ANO3: variants seen among roughly 807,000 people sequenced by gnomAD.
ANO3 encodes anoctamin 3.
ANO3 carries 99 observed loss-of-function variants against 144.8 expected under a neutral mutation model. The observed-to-expected ratio is 0.68, with a 90% CI of 0.58 to 0.81. The LOEUF (loss-of-function observed/expected upper bound fraction) is 0.81, where lower values mean the gene tolerates loss of function less well. Ranked by LOEUF, ANO3 falls within the 30% of genes least tolerant of loss-of-function variation. ANO3 has a pLI of 0.00. For synonymous variants in ANO3, 414 were observed against 392.6 expected (o/e 1.05, Z -0.64); for missense variants, 905 against 1,202.2 (o/e 0.75, Z 3.66).
intron 1 of ANO3, among the ~76,000 whole-genome samples, chr11:26,360,668 C>T (rs547191277): frequency 1.4e-4 from 22 of 152,220 alleles, no homozygotes; most frequent in African/African-American, 3.4e-4. Context: ...TATGCTGAAC[C>T]GCTTAGTAAA....
chr11:26,393,259 T>C (rs900261564), intron 1 of ANO3, among the ~76,000 whole-genome samples: 7 of 152,104 alleles, frequency 4.6e-5, no homozygotes, highest in Non-Finnish European at 1.5e-5. Context: ...ACAGTCCTCA[T>C]CTTGACCTGC....
intron 4 of ANO3, among the ~76,000 whole-genome samples, chr11:26,467,536 G>T (rs746892628): frequency 1.2e-4 from 18 of 152,022 alleles, no homozygotes; most frequent in Non-Finnish European, 2.4e-4. Context: ...TGAAAAGTCT[G>T]TCTTTCTGTG....
intron 14 of ANO3, among the ~76,000 whole-genome samples, chr11:26,573,397 A>G (rs1370412649): frequency 1.3e-5 from 2 of 152,206 alleles, no homozygotes; most frequent in Admixed American, 6.5e-5. Flanking sequence ...AATTTAATCA[A>G]ACAGTTAGTT....
At chr11:26,258,160 C>T (rs554639740) in intron 1 of ANO3, among the ~76,000 whole-genome samples, 1 of 152,086 alleles carries the variant, frequency 6.6e-6, no homozygotes, top group East Asian at 1.9e-4. Flanking sequence ...CTCATTCTTA[C>T]AAGAGTAAGT....
chr11:26,385,318 G>A (rs762138595), intron 1 of ANO3, among the ~76,000 whole-genome samples: 35 of 152,040 alleles, frequency 2.3e-4, no homozygotes, highest in Non-Finnish European at 4.1e-4. Flanking sequence ...TGATATATTC[G>A]CTTTATATTG....
chr11:26,616,502 G>A (rs1482721208), intron 17 of ANO3, among the ~76,000 whole-genome samples: 5 of 145,446 alleles, frequency 3.4e-5, no homozygotes. Context: ...ATCTTGAAAA[G>A]ATTAATGAAC....
intron 1 of ANO3, among the ~76,000 whole-genome samples, chr11:26,285,079 G>A (rs538566531): frequency 6.6e-6 from 1 of 151,660 alleles, no homozygotes; most frequent in East Asian, 1.9e-4. Context: ...CCACTATGTG[G>A]TTTATTTACT....
intron 1 of ANO3, among the ~76,000 whole-genome samples, chr11:26,190,155 A>G (rs1160104413): frequency 6.6e-6 from 1 of 152,182 alleles, no homozygotes; most frequent in Non-Finnish European, 1.5e-5. Flanking sequence ...AAGCAAAGCT[A>G]TTATAACTCT....
intron 1 of ANO3, among the ~76,000 whole-genome samples, chr11:26,339,838 C>A (rs567894080): frequency 1.1e-4 from 17 of 152,174 alleles, no homozygotes; most frequent in Non-Finnish European, 2.1e-4. Context: ...CCTGGCTGTC[C>A]GTTTGGTTAT....
intron 4 of ANO3, among the ~76,000 whole-genome samples, chr11:26,482,933 T>C (rs1375910932): frequency 6.6e-6 from 1 of 152,192 alleles, no homozygotes; most frequent in East Asian, 1.9e-4. Flanking sequence ...ATTTCACTCC[T>C]TTTTATGGCT....
intron 1 of ANO3, among the ~76,000 whole-genome samples, chr11:26,276,479 G>A (rs973720201): frequency 6.6e-6 from 1 of 152,070 alleles, no homozygotes; most frequent in African/African-American, 2.4e-5. Flanking sequence ...GTGAAATGAG[G>A]CTAACTGCAT....
At chr11:26,544,297 C>CACAT (rs1289018080) in intron 11 of ANO3, among the ~76,000 whole-genome samples, 23 of 89,278 alleles carry the variant, frequency 2.6e-4, no homozygotes, top group Non-Finnish European at 4.5e-4. Flanking sequence ...CACACACACA[C>CACAT]ATATGTATAT....
At chr11:26,439,819 A>G (rs1349287680) in intron 1 of ANO3, among the ~76,000 whole-genome samples, 2 of 152,218 alleles carry the variant, frequency 1.3e-5, no homozygotes, top group East Asian at 1.9e-4. Flanking sequence ...GATAACATTC[A>G]TTTCATTTAG....
chr11:26,406,422 A>C (rs1857278906), intron 1 of ANO3, among the ~76,000 whole-genome samples: 1 of 151,848 alleles, frequency 6.6e-6, no homozygotes, highest in African/African-American at 2.4e-5. Context: ...AACCATAGCA[A>C]CCACTGAATA....
chr11:26,241,733 T>A (rs1401741042), intron 1 of ANO3, among the ~76,000 whole-genome samples: 5 of 152,094 alleles, frequency 3.3e-5, no homozygotes, highest in African/African-American at 9.7e-5. Context: ...TGTAATTATA[T>A]CATGTAGTGC....
intron 1 of ANO3, among the ~76,000 whole-genome samples, chr11:26,252,768 A>C (rs77777695): frequency 0.018 from 2,794 of 152,288 alleles, 70 homozygotes; most frequent in East Asian, 0.13. Flanking sequence ...CTCAGTGAAC[A>C]ACATTTCATG....
At chr11:26,529,347 T>A (rs1262307694) in intron 7 of ANO3, among the ~76,000 whole-genome samples, 4 of 118 alleles carry the variant, frequency 0.034, 2 homozygotes, top group African/African-American at 0.036. Flanking sequence ...TAATAATATA[T>A]TATATAATAA....
intron 3 of ANO3, among the ~76,000 whole-genome samples, chr11:26,459,195 G>A (rs1207620078): frequency 6.6e-6 from 1 of 152,100 alleles, no homozygotes; most frequent in Non-Finnish European, 1.5e-5. Context: ...ATAGTAAGGA[G>A]CTAGATGATG....
At position 26,531,343 on chromosome 11, in the gene ANO3, T is replaced by G; in HGVS notation, c.869+7T>G. On this transcript the variant is annotated splice_region_variant and intron_variant, in intron 8 of 26. Coordinates refer to ENST00000256737, the MANE Select transcript of ANO3 (RefSeq NM_031418.4). ...GCCGTGCACGGATTCACCAGTGAGT[T>G]CCCCTCTTTTTTCATACTGCCTACC... 1.3e-6 allele frequency: 2 copies of G among 1,598,330 alleles called. No homozygotes were observed. Among genetic ancestry groups the G allele is most frequent in the Non-Finnish European group, 1.7e-6 (2 of 1,174,080 alleles).
Sources: allele counts gnomAD v4.1 joint callset (sites outside exome capture counted in the v4.1 genomes callset), GRCh38; gene constraint gnomAD v4.1.1; transcripts MANE v1.5; gene names NCBI Gene and HGNC (gene_info 2026-07-23, HGNC 2026-07-21).